The following CLASP1 variants were observed in gnomAD, a reference collection of about 807,000 sequenced individuals.
CLASP1 encodes the protein cytoplasmic linker associated protein 1.
Under a neutral mutation model 192.3 loss-of-function variants are expected in CLASP1, and 38 were observed. That is an observed-to-expected ratio of 0.20 (90% confidence interval 0.15 to 0.26). The LOEUF (loss-of-function observed/expected upper bound fraction) is 0.26. CLASP1 is among the 10% of genes least tolerant of loss of function. The probability of loss-of-function intolerance (pLI) is 1.00; values close to 1 mark genes in which losing one functional copy is unlikely to be tolerated. For missense variants in CLASP1, 1,433 were observed against 1,932.5 expected, an observed-to-expected ratio of 0.74 and a Z score of 4.85; for synonymous variants, 691 against 712.8, an observed-to-expected ratio of 0.97 and a Z score of 0.49.
At chr2:121,341,505 A>G (rs1363466065) in intron 39 of CLASP1, among the ~76,000 whole-genome samples, 1 of 152,252 alleles carries the variant, frequency 6.6e-6, no homozygotes, top group Admixed American at 6.5e-5. Flanking sequence ...GGCAGAATGG[A>G]TAAACATGTG....
intron 6 of CLASP1, among the ~76,000 whole-genome samples, chr2:121,521,320 G>C (rs887254030): frequency 2.0e-5 from 3 of 152,138 alleles, no homozygotes; most frequent in Non-Finnish European, 4.4e-5. Flanking sequence ...CACTGCTTAC[G>C]TGTATGTTTG....
At chr2:121,570,600 C>A (rs1451249840) in intron 2 of CLASP1, among the ~76,000 whole-genome samples, 1 of 152,240 alleles carries the variant, frequency 6.6e-6, no homozygotes, top group Non-Finnish European at 1.5e-5. Flanking sequence ...GGGAGCCCGG[C>A]TTCTCCCTTC....
At chr2:121,638,090 T>C (rs991505529) in intron 1 of CLASP1, among the ~76,000 whole-genome samples, 3 of 151,900 alleles carry the variant, frequency 2.0e-5, no homozygotes, top group African/African-American at 7.3e-5. Flanking sequence ...CCAAAAGATA[T>C]AAATCAATCA....
chr2:121,478,960 A>C (rs1575285299), intron 8 of CLASP1, among the ~76,000 whole-genome samples: 1 of 44,214 alleles, frequency 2.3e-5, no homozygotes, highest in African/African-American at 9.7e-5. Flanking sequence ...CCACACACAC[A>C]CACCACACAC....
chr2:121,530,374 G>C, intron 2 of CLASP1, 49 bp from the exon 3 acceptor site: 1 of 1,469,354 alleles, frequency 6.8e-7, no homozygotes. Flanking sequence ...CTGCGGGGCA[G>C]CGCTCCCGCC....
chr2:121,633,028 A>ATATATATG (rs71398039), intron 1 of CLASP1, among the ~76,000 whole-genome samples: 29 of 137,540 alleles, frequency 2.1e-4, no homozygotes, highest in African/African-American at 5.5e-4. Context: ...ATATATATAT[A>ATATATATG]GGCTTTTTTT....
chr2:121,461,284 G>A, intron 10 of CLASP1, 91 bp from the exon 11 acceptor site: 12 of 679,078 alleles, frequency 1.8e-5, no homozygotes, highest in South Asian at 4.2e-5. Context: ...CATTAAGTAT[G>A]GTAAAAGAAA....
intron 16 of CLASP1, 123 bp downstream of exon 16, chr2:121,450,790 A>G (rs1474935083): frequency 3.2e-6 from 2 of 634,628 alleles, no homozygotes; most frequent in Non-Finnish European, 5.4e-6. Context: ...TTTGGGGGTC[A>G]TGTTTAAAAG....
At chr2:121,375,054 C>T (rs1366381891) in intron 34 of CLASP1, among the ~76,000 whole-genome samples, 4 of 152,068 alleles carry the variant, frequency 2.6e-5, no homozygotes, top group Non-Finnish European at 4.4e-5. Context: ...GTGTCCCCAC[C>T]CAAATCTCAT....
In CLASP1 at chr2:121,530,327, T is replaced by A; in HGVS notation, c.196-2A>T. The A allele has an allele frequency of 6.5e-7, 1 of 1,549,262 alleles. No individual in the cohort carries two copies. Among genetic ancestry groups the A allele is most frequent in the Non-Finnish European group, 8.7e-7 (1 of 1,145,938 alleles). On this transcript the variant is annotated splice_acceptor_variant, in intron 2 of 39. Transcript: ENST00000263710. LOFTEE classifies it high-confidence loss of function. ...GATGTCCATGCCCAGCAGAACCACCTGCAGCGGGAAACACCGGGAGCCTGT... is the reference window on the plus strand; with the variant it reads ...GATGTCCATGCCCAGCAGAACCACCAGCAGCGGGAAACACCGGGAGCCTGT...
intron 2 of CLASP1, among the ~76,000 whole-genome samples, chr2:121,597,579 T>C (rs964629712): frequency 6.6e-6 from 1 of 152,204 alleles, no homozygotes; most frequent in Non-Finnish European, 1.5e-5. Context: ...GCCAGGTACA[T>C]ACAGACTATA....
At chr2:121,416,705 C>G (rs986528346) in intron 23 of CLASP1, among the ~76,000 whole-genome samples, 2 of 152,202 alleles carry the variant, frequency 1.3e-5, no homozygotes, top group Admixed American at 1.3e-4. Context: ...TTTCGAGAAA[C>G]AGATGAAAGA....
At chr2:121,577,625 C>G (rs1285547907) in intron 2 of CLASP1, among the ~76,000 whole-genome samples, 1 of 152,194 alleles carries the variant, frequency 6.6e-6, no homozygotes, top group Admixed American at 6.5e-5. Context: ...CATAAAGACA[C>G]TGACCCACGT....
intron 34 of CLASP1, among the ~76,000 whole-genome samples, chr2:121,374,711 T>C (rs572323461): frequency 6.6e-6 from 1 of 152,322 alleles, no homozygotes; most frequent in African/African-American, 2.4e-5. Flanking sequence ...TTTGGAGCTT[T>C]AAGATTTAAT....
chr2:121,627,261 T>C (rs2068560905), intron 1 of CLASP1, among the ~76,000 whole-genome samples: 1 of 152,122 alleles, frequency 6.6e-6, no homozygotes, highest in Non-Finnish European at 1.5e-5. Context: ...CAACTTCTTG[T>C]GAATCTATAA....
At chr2:121,417,462 A>G (rs1050202639) in intron 23 of CLASP1, among the ~76,000 whole-genome samples, 4 of 152,014 alleles carry the variant, frequency 2.6e-5, no homozygotes, top group African/African-American at 7.3e-5. Flanking sequence ...CAGAAAAAAA[A>G]AAAAAATCAT....
At chr2:121,418,143 T>G (rs1347557666) in intron 23 of CLASP1, among the ~76,000 whole-genome samples, 1 of 152,262 alleles carries the variant, frequency 6.6e-6, no homozygotes, top group African/African-American at 2.4e-5. Flanking sequence ...GCAGGACTAT[T>G]AACTCTAAAA....
intron 9 of CLASP1, among the ~76,000 whole-genome samples, chr2:121,464,408 G>A (rs2088983270): frequency 6.6e-6 from 1 of 152,198 alleles, no homozygotes; most frequent in East Asian, 1.9e-4. Flanking sequence ...CTAGATCCTT[G>A]AGGAATCGCC....
chr2:121,517,329 C>T (rs2094325904), intron 6 of CLASP1, among the ~76,000 whole-genome samples: 2 of 152,160 alleles, frequency 1.3e-5, no homozygotes, highest in Admixed American at 1.3e-4. Flanking sequence ...AGAAAAGAAG[C>T]AGGAATACAA....
Sources: gnomAD v4.1 joint callset for allele counts (sites outside exome capture counted in the v4.1 genomes callset) on GRCh38, gnomAD v4.1.1 for gene constraint, MANE v1.5 for transcripts, NCBI Gene and HGNC (gene_info 2026-07-23, HGNC 2026-07-21) for gene names.